The following ANKIB1 variants were observed in gnomAD, a reference collection of about 807,000 sequenced individuals.
The protein encoded by ANKIB1 is ankyrin repeat and IBR domain-containing protein 1.
In ANKIB1, 43 loss-of-function variants were observed where a neutral mutation model predicts 122.1. The observed-to-expected ratio is 0.35, with a 90% confidence interval of 0.28 to 0.45. ANKIB1 has a LOEUF of 0.45. ANKIB1 is among the 20% of genes least tolerant of loss of function. The probability of loss-of-function intolerance (pLI) is 1.00; values close to 1 mark genes in which losing one functional copy is unlikely to be tolerated. For missense variants in ANKIB1, 992 were observed against 1,329.5 expected (o/e 0.75, Z 3.95); for synonymous variants, 390 against 442.0 (o/e 0.88, Z 1.48).
intron 11 of ANKIB1, among the ~76,000 whole-genome samples, chr7:92,381,275 T>G (rs1421311334): frequency 2.0e-5 from 3 of 152,186 alleles, no homozygotes; most frequent in Non-Finnish European, 4.4e-5. Context: ...TTGGTGTACC[T>G]GAAAGTGACG....
At chr7:92,390,225 A>G (rs1388709669) in intron 15 of ANKIB1, 109 bp downstream of exon 15, 5 of 802,642 alleles carry the variant, frequency 6.2e-6, no homozygotes, top group Non-Finnish European at 7.2e-6. Flanking sequence ...TACTAAAACA[A>G]TTTTCTTTTC....
intron 14 of ANKIB1, among the ~76,000 whole-genome samples, chr7:92,389,153 A>G (rs1294541323): frequency 6.6e-6 from 1 of 152,288 alleles, no homozygotes; most frequent in Non-Finnish European, 1.5e-5. Flanking sequence ...ACAAAAAGAT[A>G]CAGCAATTGC....
At chr7:92,291,182 T>C (rs1408089490) in intron 1 of ANKIB1, among the ~76,000 whole-genome samples, 1 of 151,994 alleles carries the variant, frequency 6.6e-6, no homozygotes, top group Admixed American at 6.6e-5. Context: ...TAGTTCCAGC[T>C]ACTCGGGAGT....
At chr7:92,313,748 G>C (rs555124037) in intron 3 of ANKIB1, among the ~76,000 whole-genome samples, 6 of 152,164 alleles carry the variant, frequency 3.9e-5, no homozygotes, top group African/African-American at 1.4e-4. Flanking sequence ...AAATTATTGG[G>C]CCAACCAGAC....
intron 9 of ANKIB1, among the ~76,000 whole-genome samples, chr7:92,357,812 A>G (rs1470938872): frequency 6.6e-6 from 1 of 152,130 alleles, no homozygotes; most frequent in African/African-American, 2.4e-5. Flanking sequence ...ACTTTTCTCA[A>G]AATAACCTCT....
chr7:92,259,016 C>T (rs948295698), intron 1 of ANKIB1, among the ~76,000 whole-genome samples: 3 of 152,026 alleles, frequency 2.0e-5, no homozygotes, highest in Non-Finnish European at 2.9e-5. Context: ...TACAGTGGCG[C>T]GATCTTGGCT....
chr7:92,274,272 T>C (rs568833478), intron 1 of ANKIB1, among the ~76,000 whole-genome samples: 2 of 152,314 alleles, frequency 1.3e-5, no homozygotes, highest in African/African-American at 4.8e-5. Context: ...AGTATAGATG[T>C]AGTCCCTAAC....
chr7:92,348,711 C>T (rs1217713895), intron 7 of ANKIB1, among the ~76,000 whole-genome samples: 16 of 152,036 alleles, frequency 1.1e-4, no homozygotes, highest in Admixed American at 8.5e-4. Flanking sequence ...CCTTGTATAT[C>T]GCTGCTTAGC....
At position 92,399,040 on chromosome 7, in the gene ANKIB1, C is replaced by A; in HGVS notation, c.*91C>A. The A allele has an allele frequency of 2.2e-6, 3 of 1,375,224 alleles. No individual in the cohort carries two copies. The highest frequency in any genetic ancestry group is 3.1e-5 in the Admixed American group (1 of 32,374). The allele number at this position is 1,375,224 out of a possible 1,614,324, so 85.2% of individuals were successfully genotyped here. A position where few individuals can be genotyped will look rare whatever the true frequency, so the allele number is the denominator to read the frequency against. ...ATAGAGACTTTGATTCACTTAATTC[C>A]AACTCAGTGATAAACCACTGACATT... On this transcript the variant is annotated 3_prime_UTR_variant, in exon 20 of 20. Coordinates refer to ENST00000265742, the MANE Select transcript of ANKIB1 (RefSeq NM_019004.2).
At chr7:92,396,918 CATT>C (rs1804908492) in intron 18 of ANKIB1, among the ~76,000 whole-genome samples, 1 of 152,012 alleles carries the variant, frequency 6.6e-6, no homozygotes, top group Admixed American at 6.6e-5. Context: ...GTCCTGTAGA[CATT>C]ATTTAAAAGA....
chr7:92,272,596 A>C (rs1230666797), intron 1 of ANKIB1, among the ~76,000 whole-genome samples: 1 of 152,142 alleles, frequency 6.6e-6, no homozygotes, highest in Non-Finnish European at 1.5e-5. Context: ...AGGCCCATAG[A>C]GTATCTGGCC....
chr7:92,371,947 A>AGG (rs1249904490), intron 11 of ANKIB1, among the ~76,000 whole-genome samples: 13 of 132,026 alleles, frequency 9.8e-5, no homozygotes, highest in East Asian at 2.5e-4. Context: ...GTCTTGAGAG[A>AGG]GGGGTGTGTG....
At chr7:92,387,753 G>A in intron 12 of ANKIB1, 45 bp from the exon 13 acceptor site, 2 of 1,442,660 alleles carry the variant, frequency 1.4e-6, no homozygotes, top group East Asian at 2.3e-5. Context: ...TATTTTAGTA[G>A]CTACTAGTTT....
rs1253152730 is a variant in ANKIB1, at chr7:92,352,462, T to G, written c.1231-14T>G. ...AATATTTTCTTTTGTGTTTTGTTAT[T>G]GCTGTTTAAACAGGCCTTTGTTGAA... is the stretch of plus-strand genomic sequence containing the variant. On this transcript the variant is annotated splice_polypyrimidine_tract_variant and intron_variant, in intron 8 of 19. Transcript: ENST00000265742. The G allele has an allele frequency of 6.2e-7, 1 of 1,612,374 alleles. No homozygotes were observed. The highest frequency in any genetic ancestry group is 8.5e-7 in the Non-Finnish European group (1 of 1,179,384).
intron 2 of ANKIB1, among the ~76,000 whole-genome samples, chr7:92,297,404 A>G (rs1232305201): frequency 6.6e-6 from 1 of 152,244 alleles, no homozygotes; most frequent in Non-Finnish European, 1.5e-5. Flanking sequence ...CAGAACTTGT[A>G]GAACAATTAA....
At chr7:92,356,584 A>G (rs550794634) in intron 9 of ANKIB1, among the ~76,000 whole-genome samples, 5 of 152,204 alleles carry the variant, frequency 3.3e-5, no homozygotes, top group Non-Finnish European at 7.3e-5. Context: ...GAGTTATAAT[A>G]ATCTGGGAGA....
At chr7:92,375,728 A>T (rs766973531) in intron 11 of ANKIB1, among the ~76,000 whole-genome samples, 50 of 152,192 alleles carry the variant, frequency 3.3e-4, no homozygotes, top group Non-Finnish European at 7.1e-4. Context: ...TGAATCACAA[A>T]TGTTCTTAAT....
intron 3 of ANKIB1, among the ~76,000 whole-genome samples, chr7:92,309,560 G>A (rs1802641258): frequency 6.6e-6 from 1 of 152,072 alleles, no homozygotes; most frequent in Non-Finnish European, 1.5e-5. Context: ...TTATTGATGG[G>A]ACTGCATCAT....
rs181120137 is a variant in ANKIB1 at position 92,378,177 on chromosome 7, T to C, written c.1617+6570T>C. ...GTTTATTCCAGGAAGACAGGTTAAT[T>C]TTAAGGATTGCTGATCTGGAATGCT... On this transcript the variant is annotated intron_variant, in intron 11 of 19. Transcript: ENST00000265742. Among the ~76,000 whole-genome samples, 193 of 152,234 alleles carry C rather than the reference T, an allele frequency of 1.3e-3. 1 individual carries two copies. Among genetic ancestry groups the C allele is most frequent in the African/African-American group, 4.5e-3 (187 of 41,558 alleles).
Sources: gnomAD v4.1 joint callset for allele counts (sites outside exome capture counted in the v4.1 genomes callset) on GRCh38, gnomAD v4.1.1 for gene constraint, MANE v1.5 for transcripts, NCBI Gene and HGNC (gene_info 2026-07-23, HGNC 2026-07-21) for gene names.